Variants in DIAPH2 observed in about 807,000 individuals in gnomAD.
The protein encoded by DIAPH2 is protein diaphanous homolog 2.
A neutral mutation model predicts 92.7 loss-of-function variants in DIAPH2; 35 were observed. The ratio of observed to expected loss-of-function variants is 0.38; its 90% CI spans 0.29 to 0.50. DIAPH2 has a LOEUF of 0.50. Among genes scored for constraint, DIAPH2 ranks in the 20% least tolerant of loss-of-function variants. The pLI is 0.94. For missense variants in DIAPH2, 701 were observed against 819.5 expected, an observed-to-expected ratio of 0.86 and a Z score of 1.77; for synonymous variants, 301 against 280.4, an observed-to-expected ratio of 1.07 and a Z score of -0.73.
At chrX:97,290,890 C>CTG in intron 23 of DIAPH2, among the ~76,000 whole-genome samples, 1 of 111,085 alleles carries the variant, frequency 9.0e-6, no homozygotes, top group African/African-American at 3.3e-5. Context: ...GCCTGGCCAA[C>CTG]GTGGTGAAAC....
chrX:97,198,679 C>T (rs1421727858), intron 22 of DIAPH2, among the ~76,000 whole-genome samples: 2 of 111,187 alleles, frequency 1.8e-5, no homozygotes, highest in Non-Finnish European at 3.8e-5. Context: ...TCCATGCCAG[C>T]TACTGCATTT....
chrX:97,181,057 T>TTTGTTG (rs764200751), intron 22 of DIAPH2, among the ~76,000 whole-genome samples: 4 of 110,337 alleles, frequency 3.6e-5, no homozygotes, highest in Non-Finnish European at 7.6e-5. Flanking sequence ...CAATGGCAGT[T>TTTGTTG]TTGTTGTTGT....
intron 9 of DIAPH2, among the ~76,000 whole-genome samples, chrX:96,929,664 C>G (rs1411975996): frequency 9.0e-6 from 1 of 110,854 alleles, no homozygotes; most frequent in Non-Finnish European, 1.9e-5. Flanking sequence ...AAATATTTGT[C>G]TTTCGGTAAT....
intron 26 of DIAPH2, among the ~76,000 whole-genome samples, chrX:97,479,772 T>TC (rs1258836978): frequency 2.7e-5 from 3 of 110,900 alleles, no homozygotes; most frequent in Non-Finnish European, 5.7e-5. Flanking sequence ...TTTTTTTATC[T>TC]CCCCACAGGG....
chrX:97,168,431 T>C (rs1485529703), intron 22 of DIAPH2, among the ~76,000 whole-genome samples: 1 of 111,505 alleles, frequency 9.0e-6, no homozygotes, highest in African/African-American at 3.3e-5. Context: ...ACTTAGACTT[T>C]TTGTATTTTA....
In DIAPH2 at chrX:96,916,426, T is replaced by G. The variant is rs779842792; in HGVS notation, c.733-12T>G. 1 of 1,094,400 alleles carries G rather than the reference T, an allele frequency of 9.1e-7. No individual in the cohort carries two copies. The allele number at this position is 1,094,400 out of a possible 1,213,427, so 90.2% of individuals were successfully genotyped here. ...GACATTCTGAATGAAGGTTTTTTTT[T>G]TTTTTTTTTAGTTTGGATTACAAAG... On this transcript the variant is annotated splice_polypyrimidine_tract_variant and intron_variant, in intron 7 of 26. Transcript: ENST00000324765.
intron 22 of DIAPH2, among the ~76,000 whole-genome samples, chrX:97,242,086 T>G (rs1000779638): frequency 9.0e-6 from 1 of 111,587 alleles, no homozygotes; most frequent in African/African-American, 3.3e-5. Flanking sequence ...GTAGGCTGAT[T>G]TTTCTTATGA....
At chrX:97,272,793 C>T (rs1313957765) in intron 23 of DIAPH2, among the ~76,000 whole-genome samples, 1 of 112,195 alleles carries the variant, frequency 8.9e-6, no homozygotes, top group Non-Finnish European at 1.9e-5. Context: ...CAGTTCCCTA[C>T]TCAAGCAAAT....
At chrX:96,816,137 G>A (rs2064733177) in intron 4 of DIAPH2, among the ~76,000 whole-genome samples, 1 of 112,337 alleles carries the variant, frequency 8.9e-6, no homozygotes, top group African/African-American at 3.2e-5. Flanking sequence ...GTTCACTCAT[G>A]CTTTAGCATA....
intron 19 of DIAPH2, among the ~76,000 whole-genome samples, chrX:97,090,550 A>G (rs1796617977): frequency 9.1e-6 from 1 of 110,011 alleles, no homozygotes; most frequent in African/African-American, 3.3e-5. Flanking sequence ...CAAAAAGCCA[A>G]AGCAAACCCA....
At chrX:97,206,567 C>T (rs981501120) in intron 22 of DIAPH2, among the ~76,000 whole-genome samples, 1 of 111,440 alleles carries the variant, frequency 9.0e-6, no homozygotes, top group Non-Finnish European at 1.9e-5. Context: ...TTGGATCATA[C>T]ATGAAAACAT....
intron 22 of DIAPH2, among the ~76,000 whole-genome samples, chrX:97,246,912 G>A (rs943438076): frequency 2.7e-5 from 3 of 111,499 alleles, no homozygotes; most frequent in Non-Finnish European, 3.8e-5. Context: ...TACATAATTG[G>A]CAGTTATGCA....
intron 17 of DIAPH2, among the ~76,000 whole-genome samples, chrX:97,048,286 T>C (rs2066498001): frequency 9.0e-6 from 1 of 111,175 alleles, no homozygotes. Context: ...TCATTTAATG[T>C]GGAACATTTC....
rs920731176 is a variant in DIAPH2 at position 97,281,404 on chromosome X, C to T, written c.2844+33565C>T. On this transcript the variant is annotated intron_variant, in intron 23 of 26. Transcript: ENST00000324765. ...ATGGGTAGATCATTTAAGGCTCCTG[C>T]GCCCTTTAATATATTACCTAGAAAT... is the stretch of plus-strand genomic sequence containing the variant. Among the ~76,000 whole-genome samples the T allele has an allele frequency of 1.2e-4, 13 of 110,702 alleles. No homozygotes were observed. The East Asian group carries it at 3.7e-3, about 31-fold the overall frequency.
intron 26 of DIAPH2, among the ~76,000 whole-genome samples, chrX:97,554,174 C>T (rs2071241459): frequency 9.0e-6 from 1 of 111,452 alleles, no homozygotes; most frequent in Non-Finnish European, 1.9e-5. Flanking sequence ...AGAAACCAGC[C>T]TCAAATGGTA....
chrX:97,178,846 T>C (rs1647487062), intron 22 of DIAPH2, among the ~76,000 whole-genome samples: 1 of 110,530 alleles, frequency 9.0e-6, no homozygotes, highest in African/African-American at 3.3e-5. Context: ...CATAAAATGG[T>C]TTGAGGGAGT....
intron 24 of DIAPH2, among the ~76,000 whole-genome samples, chrX:97,353,978 C>T (rs1392599292): frequency 9.0e-6 from 1 of 110,553 alleles, no homozygotes; most frequent in Non-Finnish European, 1.9e-5. Flanking sequence ...CCATGCCTGG[C>T]TAAATTTTTA....
At chrX:96,791,958 G>C (rs1268352652) in intron 4 of DIAPH2, among the ~76,000 whole-genome samples, 2 of 110,942 alleles carry the variant, frequency 1.8e-5, no homozygotes, top group Non-Finnish European at 3.8e-5. Context: ...TTGCTATACT[G>C]TGCTGCTTCC....
intron 25 of DIAPH2, among the ~76,000 whole-genome samples, chrX:97,397,686 A>G (rs2069717653): frequency 8.9e-6 from 1 of 111,905 alleles, no homozygotes; most frequent in Non-Finnish European, 1.9e-5. Flanking sequence ...TTTATAATGT[A>G]ATCCCTACCC....
Sources: gnomAD v4.1 joint callset for allele counts (sites outside exome capture counted in the v4.1 genomes callset) on GRCh38, gnomAD v4.1.1 for gene constraint, MANE v1.5 for transcripts, NCBI Gene and HGNC (gene_info 2026-07-23, HGNC 2026-07-21) for gene names.